ETV6: variants seen among roughly 807,000 people sequenced by gnomAD.
The protein encoded by ETV6 is ETS variant transcription factor 6, also known as transcription factor ETV6.
Under a neutral mutation model 51.1 loss-of-function variants are expected in ETV6, and 16 were observed. That is an observed-to-expected ratio of 0.31 (90% CI 0.21 to 0.48). ETV6 has a LOEUF of 0.48. Among genes scored for constraint, ETV6 ranks in the 20% least tolerant of loss-of-function variants. The pLI is 0.99. For synonymous variants in ETV6, 240 were observed against 224.1 expected, an observed-to-expected ratio of 1.07 and a Z score of -0.64; for missense variants, 458 against 594.8, an observed-to-expected ratio of 0.77 and a Z score of 2.39.
At chr12:11,868,792 C>T (rs904565308) in intron 4 of ETV6, among the ~76,000 whole-genome samples, 2 of 152,114 alleles carry the variant, frequency 1.3e-5, no homozygotes, top group South Asian at 4.1e-4. Context: ...AACCCTTCCA[C>T]CTCTGAAAGC....
At position 11,725,289 on chromosome 12, in the gene ETV6, G is replaced by A. The variant is rs375117072; in HGVS notation, c.34-27161G>A. Among the ~76,000 whole-genome samples the A allele has an allele frequency of 5.9e-5, 9 of 152,024 alleles. No homozygotes were observed. The South Asian group carries it at 8.3e-4, about 14-fold the overall frequency. On this transcript the variant is annotated intron_variant, in intron 1 of 7. Transcript: ENST00000396373. ...TTGTAAGAAAATTCTTTTGTGCAGCGTGCATGGCTCAAAATGAGAGAAAAG... is the reference window on the plus strand; with the variant it reads ...TTGTAAGAAAATTCTTTTGTGCAGCATGCATGGCTCAAAATGAGAGAAAAG...
intron 1 of ETV6, among the ~76,000 whole-genome samples, chr12:11,702,475 C>T (rs1251238771): frequency 3.3e-5 from 5 of 152,184 alleles, no homozygotes; most frequent in Admixed American, 2.0e-4. Context: ...TCATAGTCTT[C>T]ATGGGCTAAG....
intron 7 of ETV6, among the ~76,000 whole-genome samples, chr12:11,888,395 TTTC>T (rs369708793): frequency 0.5 from 53,749 of 106,694 alleles, 11,774 homozygotes; most frequent in Middle Eastern, 0.61. Context: ...TTTCTTTTCT[TTTC>T]TTTTTTTTTT....
At chr12:11,771,945 T>C (rs1175648444) in intron 2 of ETV6, among the ~76,000 whole-genome samples, 7 of 152,224 alleles carry the variant, frequency 4.6e-5, no homozygotes, top group Admixed American at 1.3e-4. Context: ...CAGGTTCTTA[T>C]TTTCCAGATT....
intron 1 of ETV6, among the ~76,000 whole-genome samples, chr12:11,742,931 C>T (rs1865837784): frequency 6.6e-6 from 1 of 151,850 alleles, no homozygotes; most frequent in African/African-American, 2.4e-5. Flanking sequence ...CTCAGCCTCC[C>T]AAGTAGCTGG....
chr12:11,800,671 C>T (rs899486222), intron 2 of ETV6, among the ~76,000 whole-genome samples: 1 of 152,112 alleles, frequency 6.6e-6, no homozygotes, highest in Non-Finnish European at 1.5e-5. Flanking sequence ...GCATAATGTG[C>T]ACCAGATTCA....
Position 11,708,540 on chromosome 12 carries a change from CCT to C in ETV6, c.34-43909_34-43908del, listed in dbSNP as rs756765678. On this transcript the variant is annotated intron_variant, in intron 1 of 7. Transcript: ENST00000396373. ...ACATCACAGACGGCCCAGACTCCCCCCTGTCTTGTGTACATTCCCTTCTACAA... is the reference window on the plus strand; with the variant it reads ...ACATCACAGACGGCCCAGACTCCCCCGTCTTGTGTACATTCCCTTCTACAA... Among the ~76,000 whole-genome samples, 27 of 152,316 alleles carry C rather than the reference CCT, an allele frequency of 1.8e-4. No individual in the cohort carries two copies. The South Asian group carries it at 3.7e-3, about 21-fold the overall frequency.
intron 1 of ETV6, among the ~76,000 whole-genome samples, chr12:11,744,909 GAA>G (rs35026437): frequency 8.0e-6 from 1 of 125,558 alleles, no homozygotes; most frequent in South Asian, 2.8e-4. Context: ...GGAAATTCAG[GAA>G]AAAAAAAAAA....
At chr12:11,703,762 G>A (rs998261478) in intron 1 of ETV6, among the ~76,000 whole-genome samples, 4 of 152,270 alleles carry the variant, frequency 2.6e-5, no homozygotes, top group South Asian at 2.1e-4. Context: ...GGACTGAGTC[G>A]GGGAGCTTCC....
chr12:11,686,039 T>G (rs746633606), intron 1 of ETV6, among the ~76,000 whole-genome samples: 1 of 152,184 alleles, frequency 6.6e-6, no homozygotes, highest in African/African-American at 2.4e-5. Flanking sequence ...TAAAATTCCA[T>G]TGTGTTATAA....
intron 1 of ETV6, among the ~76,000 whole-genome samples, chr12:11,709,189 C>G (rs1005371731): frequency 6.6e-6 from 1 of 152,126 alleles, no homozygotes; most frequent in African/African-American, 2.4e-5. Context: ...ACATAAGAAC[C>G]AAAATGACTG....
intron 1 of ETV6, among the ~76,000 whole-genome samples, chr12:11,680,841 GATGAATCTC>G (rs1319625943): frequency 6.6e-6 from 1 of 152,150 alleles, no homozygotes; most frequent in Non-Finnish European, 1.5e-5. Flanking sequence ...CATTCCTTCA[GATGAATCTC>G]AGACCTTTTA....
intron 2 of ETV6, among the ~76,000 whole-genome samples, chr12:11,831,057 G>C (rs1946237430): frequency 6.6e-6 from 1 of 152,154 alleles, no homozygotes; most frequent in African/African-American, 2.4e-5. Flanking sequence ...CATTTGGGCT[G>C]CTCTTGAAAA....
At chr12:11,887,762 AAAAG>A (rs1028190913) in intron 7 of ETV6, among the ~76,000 whole-genome samples, 4 of 151,698 alleles carry the variant, frequency 2.6e-5, no homozygotes, top group African/African-American at 7.3e-5. Context: ...AAAAAAAAAA[AAAAG>A]AAAAGAAATT....
intron 3 of ETV6, among the ~76,000 whole-genome samples, chr12:11,849,301 G>C (rs1001667566): frequency 2.6e-5 from 4 of 151,986 alleles, no homozygotes; most frequent in African/African-American, 9.7e-5. Flanking sequence ...TGTAGAGATG[G>C]GGATCTCACT....
At chr12:11,740,832 G>T (rs1054580222) in intron 1 of ETV6, among the ~76,000 whole-genome samples, 1 of 152,266 alleles carries the variant, frequency 6.6e-6, no homozygotes, top group African/African-American at 2.4e-5. Flanking sequence ...ATAGGCAGAG[G>T]GTATACTCTA....
At position 11,660,598 on chromosome 12, in the gene ETV6, C is replaced by CAAAA. The variant is rs3983865; in HGVS notation, c.33+10453_33+10456dup. ...TGGGCGACAGAGTGAGACTCTGTCT[C>CAAAA]AAAAAAAAAAAAAAAAAAGGGAGAT... On this transcript the variant is annotated intron_variant, in intron 1 of 7. Transcript: ENST00000396373. Among the ~76,000 whole-genome samples, 76 of 106,354 alleles carry CAAAA rather than the reference C, an allele frequency of 7.1e-4. 2 individuals are homozygous for CAAAA. Among genetic ancestry groups the CAAAA allele is most frequent in the Middle Eastern group, 9.8e-3 (2 of 204 alleles). The allele number at this position is 106,354 out of a possible 152,430, so 69.8% of individuals were successfully genotyped here.
chr12:11,789,117 C>T (rs1308233489), intron 2 of ETV6, among the ~76,000 whole-genome samples: 1 of 152,128 alleles, frequency 6.6e-6, no homozygotes, highest in African/African-American at 2.4e-5. Flanking sequence ...ACTGCAACCT[C>T]TGCCTCTCAG....
At chr12:11,779,107 AC>A (rs1370397851) in intron 2 of ETV6, among the ~76,000 whole-genome samples, 1 of 152,204 alleles carries the variant, frequency 6.6e-6, no homozygotes, top group East Asian at 1.9e-4. Flanking sequence ...CTTCGACCAA[AC>A]ATACAAGTTG....
Sources: gnomAD v4.1 joint callset for allele counts (sites outside exome capture counted in the v4.1 genomes callset) on GRCh38, gnomAD v4.1.1 for gene constraint, MANE v1.5 for transcripts, NCBI Gene and HGNC (gene_info 2026-07-23, HGNC 2026-07-21) for gene names.